The following KRIT1 variants were observed in gnomAD, a reference collection of about 807,000 sequenced individuals.
KRIT1 encodes krev interaction trapped protein 1.
Under a neutral mutation model 95.8 loss-of-function variants are expected in KRIT1, and 45 were observed. The ratio of observed to expected loss-of-function variants is 0.47; its 90% CI spans 0.37 to 0.60. KRIT1 has a LOEUF of 0.60. Ranked by LOEUF, KRIT1 falls within the 20% of genes least tolerant of loss-of-function variation. The probability of loss-of-function intolerance (pLI) is 0.00; values close to 1 mark genes in which losing one functional copy is unlikely to be tolerated. For missense variants in KRIT1, 788 were observed against 877.5 expected (o/e 0.90, Z 1.29); for synonymous variants, 282 against 278.8 (o/e 1.01, Z -0.11).
chr7:92,227,085 A>C (rs572680529), intron 10 of KRIT1, among the ~76,000 whole-genome samples: 4 of 152,334 alleles, frequency 2.6e-5, no homozygotes, highest in Non-Finnish European at 5.9e-5. Flanking sequence ...CTGTTTACAA[A>C]ATAGGCCCAA....
intron 14 of KRIT1, among the ~76,000 whole-genome samples, chr7:92,218,440 G>A (rs554742620): frequency 9.1e-4 from 137 of 150,134 alleles, no homozygotes; most frequent in African/African-American, 3.2e-3. Context: ...GTGTGCAGTC[G>A]TGCAATACTG....
chr7:92,223,653 C>T (rs949986575), intron 12 of KRIT1, among the ~76,000 whole-genome samples: 1 of 151,938 alleles, frequency 6.6e-6, no homozygotes, highest in African/African-American at 2.4e-5. Flanking sequence ...ATCTAGTGTT[C>T]GTCAAGTACT....
intron 5 of KRIT1, among the ~76,000 whole-genome samples, chr7:92,240,475 T>C (rs1799380707): frequency 6.6e-6 from 1 of 152,232 alleles, no homozygotes; most frequent in African/African-American, 2.4e-5. Context: ...TTCTACAGCC[T>C]GAGAAAATGG....
At chr7:92,241,303 C>T in intron 4 of KRIT1, 151 bp from the exon 5 acceptor site, 1 of 661,578 alleles carries the variant, frequency 1.5e-6, no homozygotes, top group South Asian at 1.8e-5. Flanking sequence ...CCCCATCCCA[C>T]ACAGATGGGA....
chr7:92,219,989 T>C (rs1362079949), intron 14 of KRIT1, among the ~76,000 whole-genome samples: 2 of 152,234 alleles, frequency 1.3e-5, no homozygotes, highest in Non-Finnish European at 2.9e-5. Flanking sequence ...TTCGCTGAAT[T>C]AATTTAGTAG....
At chr7:92,243,281 G>A (rs1438860492) in intron 3 of KRIT1, among the ~76,000 whole-genome samples, 1 of 152,058 alleles carries the variant, frequency 6.6e-6, no homozygotes, top group African/African-American at 2.4e-5. Flanking sequence ...TTTCTTCATT[G>A]AATAAATTTC....
chr7:92,209,252 G>A (rs1419248537), intron 17 of KRIT1, among the ~76,000 whole-genome samples: 1 of 151,954 alleles, frequency 6.6e-6, no homozygotes, highest in African/African-American at 2.4e-5. Flanking sequence ...ATACTGAAAG[G>A]GGAAAAGCTG....
chr7:92,229,088 T>C (rs1218379066), intron 10 of KRIT1, among the ~76,000 whole-genome samples: 1 of 152,232 alleles, frequency 6.6e-6, no homozygotes, highest in Non-Finnish European at 1.5e-5. Flanking sequence ...TGATTTATAT[T>C]CCTCTGGGTA....
chr7:92,235,400 T>C lies in KRIT1; in HGVS notation c.729+3A>G. 1 of 1,613,708 alleles carries C rather than the reference T, an allele frequency of 6.2e-7. No individual in the cohort carries two copies. The highest frequency in any genetic ancestry group is 8.5e-7 in the Non-Finnish European group (1 of 1,179,750). On this transcript the variant is annotated splice_donor_region_variant and intron_variant, in intron 8 of 18. Transcript: ENST00000394505. The stretch of plus-strand genomic sequence containing the variant: ...TCAGAGCTAAAATTCATTCAACTCT[T>C]ACCCGATTTGTATACTGAAGATCTG...
chr7:92,237,641 A>C (rs1219423528), intron 6 of KRIT1, 26 bp downstream of exon 6: 2 of 1,364,610 alleles, frequency 1.5e-6, no homozygotes, highest in Admixed American at 3.4e-5. Context: ...GTATATAAAG[A>C]TTTGTAAGAT....
intron 17 of KRIT1, among the ~76,000 whole-genome samples, chr7:92,207,418 G>A (rs963639424): frequency 6.6e-6 from 1 of 151,302 alleles, no homozygotes; most frequent in Non-Finnish European, 1.5e-5. Flanking sequence ...AAATAACTGC[G>A]ATTTTTGCCA....
chr7:92,216,593 T>G (rs1445919387), intron 14 of KRIT1, among the ~76,000 whole-genome samples: 1 of 152,122 alleles, frequency 6.6e-6, no homozygotes, highest in East Asian at 1.9e-4. Context: ...ATGTCCTTAT[T>G]CTTAGAAGAT....
chr7:92,243,939 T>C (rs898080208), intron 3 of KRIT1, 63 bp downstream of exon 3: 3 of 152,196 alleles, frequency 2.0e-5, no homozygotes, highest in Admixed American at 1.3e-4. Context: ...TTCTTTATCA[T>C]TATATACTTC....
intron 14 of KRIT1, among the ~76,000 whole-genome samples, chr7:92,216,846 A>T (rs901942884): frequency 6.6e-6 from 1 of 152,220 alleles, no homozygotes; most frequent in Non-Finnish European, 1.5e-5. Flanking sequence ...ATATGAGTAG[A>T]TAATAACAGT....
At chr7:92,207,769 A>G (rs190254857) in intron 17 of KRIT1, among the ~76,000 whole-genome samples, 302 of 152,298 alleles carry the variant, frequency 2.0e-3, no homozygotes, top group African/African-American at 6.8e-3. Flanking sequence ...AGGCAGGATA[A>G]TCGCTTGAAC....
intron 17 of KRIT1, among the ~76,000 whole-genome samples, chr7:92,205,505 G>A (rs889937233): frequency 5.9e-5 from 9 of 152,026 alleles, no homozygotes; most frequent in African/African-American, 1.9e-4. Context: ...AACAAATTAC[G>A]AGGCAGGTGG....
At position 92,240,203 on chromosome 7, in the gene KRIT1, A is replaced by G. The variant is rs569043544; in HGVS notation, c.262+790T>C. ...TAGAAAACAAATATCCAAAATAACT[A>G]ATAAATCAAACCACAGTATTTGGCT... On this transcript the variant is annotated intron_variant, in intron 5 of 18. Transcript: ENST00000394505. Among the ~76,000 whole-genome samples the G allele has an allele frequency of 2.6e-5, 4 of 152,308 alleles. No homozygotes were observed. The East Asian group carries it at 7.7e-4, about 29-fold the overall frequency.
chr7:92,234,976 G>A, intron 8 of KRIT1, 53 bp from the exon 9 acceptor site: 2 of 835,622 alleles, frequency 2.4e-6, no homozygotes, highest in South Asian at 1.4e-5. Context: ...TCATCTTAAT[G>A]TTTACATGTT....
intron 11 of KRIT1, 39 bp from the exon 12 acceptor site, chr7:92,225,866 A>C (rs1309362159): frequency 9.9e-7 from 1 of 1,011,414 alleles, no homozygotes; most frequent in Non-Finnish European, 1.6e-6. Context: ...AAGGCATTAC[A>C]TATTATGGTA....
Sources: gnomAD v4.1 joint callset for allele counts (sites outside exome capture counted in the v4.1 genomes callset) on GRCh38, gnomAD v4.1.1 for gene constraint, MANE v1.5 for transcripts, NCBI Gene and HGNC (gene_info 2026-07-23, HGNC 2026-07-21) for gene names.